TUSC3: variants seen among roughly 807,000 people sequenced by gnomAD.
TUSC3 encodes dolichyl-diphosphooligosaccharide--protein glycosyltransferase subunit TUSC3.
A neutral mutation model predicts 44.8 loss-of-function variants in TUSC3; 45 were observed. The ratio of observed to expected loss-of-function variants is 1.00; its 90% CI spans 0.79 to 1.29. The LOEUF is 1.29. TUSC3 is among the 50% of genes most tolerant of loss of function. The probability of loss-of-function intolerance (pLI) is 0.00; values close to 1 mark genes in which losing one functional copy is unlikely to be tolerated. For missense variants in TUSC3, 519 were observed against 437.9 expected (o/e 1.19, Z -1.65); for synonymous variants, 212 against 152.9 (o/e 1.39, Z -2.85).
chr8:15,513,895 CT>C (rs990099330), intron 2 of TUSC3, among the ~76,000 whole-genome samples: 5 of 152,110 alleles, frequency 3.3e-5, no homozygotes, highest in African/African-American at 1.2e-4. Context: ...TTAGTCTGTC[CT>C]CCATCTCCTT....
At chr8:15,718,679 G>T (rs1585263116) in intron 6 of TUSC3, among the ~76,000 whole-genome samples, 1 of 151,846 alleles carries the variant, frequency 6.6e-6, no homozygotes, top group African/African-American at 2.4e-5. Flanking sequence ...TACCATTTTG[G>T]TGACCTCTTT....
chr8:15,631,069 C>G lies in TUSC3; in HGVS notation c.308+7820C>G, dbSNP rs553789268. Among the ~76,000 whole-genome samples the G allele has an allele frequency of 2.2e-4, 33 of 152,174 alleles. 2 individuals are homozygous for G. In the South Asian group the frequency reaches 6.9e-3, roughly 32 times the overall value. ...AAGTTTCCTTAAATTTCTTGGCTAC[C>G]TGAACAAGGTATTTCACCTCTTTGC... On this transcript the variant is annotated intron_variant, in intron 2 of 10. Coordinates refer to ENST00000503731, the MANE Select transcript of TUSC3 (RefSeq NM_006765.4).
At chr8:15,534,452 A>G (rs1052807803) in intron 2 of TUSC3, among the ~76,000 whole-genome samples, 1 of 151,912 alleles carries the variant, frequency 6.6e-6, no homozygotes, top group African/African-American at 2.4e-5. Context: ...GACCATCCAA[A>G]CTAACACGGT....
intron 6 of TUSC3, among the ~76,000 whole-genome samples, chr8:15,678,638 T>A (rs1335467232): frequency 6.6e-6 from 1 of 152,216 alleles, no homozygotes; most frequent in Admixed American, 6.5e-5. Context: ...TATTTCACAT[T>A]TTAACAAGTC....
intron 1 of TUSC3, among the ~76,000 whole-genome samples, chr8:15,620,956 T>G (rs1225272265): frequency 3.3e-5 from 5 of 151,904 alleles, no homozygotes; most frequent in Admixed American, 3.3e-4. Context: ...TTGTAGAAAT[T>G]CAAAGAGTAT....
chr8:15,613,928 A>T (rs184253998), intron 1 of TUSC3, among the ~76,000 whole-genome samples: 2 of 152,104 alleles, frequency 1.3e-5, no homozygotes, highest in East Asian at 3.9e-4. Context: ...GGCCTTTGAG[A>T]TCTAATTTAG....
the TUSC3 span, among the ~76,000 whole-genome samples, chr8:15,775,645 T>C: frequency 5.9e-4 from 80 of 134,498 alleles, no homozygotes; most frequent in African/African-American, 2.1e-3. Flanking sequence ...TATATATATA[T>C]ATATACACAC....
At chr8:15,813,575 T>G in the TUSC3 span, among the ~76,000 whole-genome samples, 1 of 152,198 alleles carries the variant, frequency 6.6e-6, no homozygotes, top group Non-Finnish European at 1.5e-5. Context: ...GCACATTTTA[T>G]TCTAGAATAA....
intron 1 of TUSC3, among the ~76,000 whole-genome samples, chr8:15,466,594 C>T (rs1800417541): frequency 6.6e-6 from 1 of 152,080 alleles, no homozygotes; most frequent in African/African-American, 2.4e-5. Flanking sequence ...AGTTAGGAGA[C>T]ATTCAGTCTT....
the TUSC3 span, among the ~76,000 whole-genome samples, chr8:15,803,144 C>G: frequency 6.6e-6 from 1 of 152,128 alleles, no homozygotes; most frequent in Non-Finnish European, 1.5e-5. Context: ...AACCAGTGCA[C>G]GAAGTGAACA....
the TUSC3 span, among the ~76,000 whole-genome samples, chr8:15,811,355 T>G: frequency 6.6e-6 from 1 of 152,112 alleles, no homozygotes; most frequent in African/African-American, 2.4e-5. Flanking sequence ...CACACCCTAC[T>G]CCTAACCTCG....
intron 5 of TUSC3, among the ~76,000 whole-genome samples, chr8:15,672,010 C>T (rs957279351): frequency 3.3e-5 from 5 of 151,930 alleles, no homozygotes; most frequent in Non-Finnish European, 5.9e-5. Flanking sequence ...TGGAAAGGTT[C>T]CATGGAGAAC....
At position 15,472,608 on chromosome 8, in the gene TUSC3, T is replaced by C. The variant is rs1800508886; in HGVS notation, n.92-10778T>C. The stretch of plus-strand genomic sequence containing the variant: ...TGGGACATCAAAGTGGGTAAGTTTT[T>C]CTTCTGAAACACAGCTCATTTCACT... On this transcript the variant is annotated intron_variant and non_coding_transcript_variant, in intron 1 of 5. Transcript: ENST00000503191. Among the ~76,000 whole-genome samples, 3 of 152,132 alleles carry C rather than the reference T, an allele frequency of 2.0e-5. No homozygotes were observed. The South Asian group carries it at 6.2e-4, about 32-fold the overall frequency.
chr8:15,698,872 G>C lies in TUSC3; in HGVS notation c.798+25036G>C, dbSNP rs1358386645. 4.0e-5 allele frequency among the ~76,000 whole-genome samples: 6 copies of C among 150,976 alleles called. No individual in the cohort carries two copies. In the East Asian group the frequency reaches 1.2e-3, roughly 29 times the overall value. On this transcript the variant is annotated intron_variant, in intron 6 of 10. Transcript: ENST00000503731. ...TTTCATTTTTTTTTTTTGAGACAGG[G>C]TCTTCTCCTGTGGCCCAGGCTGGAG... is the stretch of plus-strand genomic sequence containing the variant.
At chr8:15,554,515 A>G (rs1181171572) in intron 1 of TUSC3, among the ~76,000 whole-genome samples, 1 of 151,400 alleles carries the variant, frequency 6.6e-6, no homozygotes, top group Non-Finnish European at 1.5e-5. Context: ...TTATTTTTAA[A>G]TACTGAGATT....
the TUSC3 span, among the ~76,000 whole-genome samples, chr8:15,850,579 T>G: frequency 0.49 from 74,368 of 151,964 alleles, 20,964 homozygotes; most frequent in Non-Finnish European, 0.65. Context: ...TTTCCCCTAT[T>G]TGTATTCAGT....
At chr8:15,533,546 C>T (rs1371702475) in intron 2 of TUSC3, among the ~76,000 whole-genome samples, 1 of 152,172 alleles carries the variant, frequency 6.6e-6, no homozygotes, top group Non-Finnish European at 1.5e-5. Flanking sequence ...TCCCTGTGGA[C>T]ACCTTGTGAG....
chr8:15,436,155 G>A (rs1171635033), intron 1 of TUSC3, among the ~76,000 whole-genome samples: 2 of 152,158 alleles, frequency 1.3e-5, no homozygotes, highest in Non-Finnish European at 2.9e-5. Context: ...ATGGAATGCT[G>A]GCTTCCCTCA....
chr8:15,630,940 C>G lies in TUSC3; in HGVS notation c.308+7691C>G, dbSNP rs147282705. 5.3e-3 allele frequency among the ~76,000 whole-genome samples: 813 copies of G among 152,270 alleles called. 2 individuals are homozygous for G. The highest frequency in any genetic ancestry group is 0.018 in the African/African-American group (734 of 41,568). The stretch of plus-strand genomic sequence containing the variant: ...AGGTAAACTTGGGTCCCTTGTACAT[C>G]ACTTAAAGCACTTGTAAGTATATTA... On this transcript the variant is annotated intron_variant, in intron 2 of 10. Transcript: ENST00000503731.
Sources: allele counts gnomAD v4.1 joint callset (sites outside exome capture counted in the v4.1 genomes callset), GRCh38; gene constraint gnomAD v4.1.1; transcripts MANE v1.5; gene names NCBI Gene and HGNC (gene_info 2026-07-23, HGNC 2026-07-21).